Variants in SEC14L1 observed in about 807,000 individuals in gnomAD.
SEC14L1 encodes the protein SEC14-like protein 1.
SEC14L1 carries 48 observed loss-of-function variants against 85.3 expected under a neutral mutation model. The ratio of observed to expected loss-of-function variants is 0.56; its 90% confidence interval spans 0.45 to 0.72. The LOEUF is 0.72. Ranked by LOEUF, SEC14L1 falls within the 30% of genes least tolerant of loss-of-function variation. The pLI, the probability that SEC14L1 is intolerant of heterozygous loss-of-function variation, is 0.00. For synonymous variants in SEC14L1, 391 were observed against 355.5 expected, an observed-to-expected ratio of 1.10 and a Z score of -1.12; for missense variants, 682 against 921.4, an observed-to-expected ratio of 0.74 and a Z score of 3.36.
chr17:77,193,474 TA>T lies in SEC14L1; in HGVS notation c.400del (p.Ile134LeufsTer16). ...GTTTTGAACAGTCTGCAAGTTTAGA[TA>T]TTAAATCTTTCTTTGGTTTTGAAAG... ...TCFEQSASLD[I>X]KSFFGFESTV... On this transcript the variant is annotated frameshift_variant, in exon 6 of 17. Coordinates refer to ENST00000436233, the MANE Select transcript of SEC14L1 (RefSeq NM_001143998.2). LOFTEE classifies it high-confidence loss of function. The T allele has an allele frequency of 6.2e-7, 1 of 1,612,974 alleles. No homozygotes were observed. The highest frequency in any genetic ancestry group is 8.5e-7 in the Non-Finnish European group (1 of 1,179,160).
At chr17:77,124,857 A>G (rs1023989202) in intron 3 of SEC14L1, among the ~76,000 whole-genome samples, 33 of 152,152 alleles carry the variant, frequency 2.2e-4, no homozygotes, top group Non-Finnish European at 2.9e-4. Context: ...AGCAAGTGAC[A>G]CAGAAATTAA....
chr17:77,140,810 C>G (rs2143492425), upstream of SEC14L1: 1 of 150,436 alleles, frequency 6.6e-6, no homozygotes. Context: ...AGTTCGGGCC[C>G]CGGGTGTCCT....
Position 77,215,693 on chromosome 17 carries a change from G to A in SEC14L1, c.*1670G>A, listed in dbSNP as rs1282775346. ...ATCGAGCTCCTCAGTGGTACCTGAA[G>A]CCTTTGCTTCCGGAAAGCGCGGTAG... On this transcript the variant is annotated 3_prime_UTR_variant, in exon 17 of 17. Coordinates refer to ENST00000436233, the MANE Select transcript of SEC14L1 (RefSeq NM_001143998.2). 3 of 995,220 alleles carry A rather than the reference G, an allele frequency of 3.0e-6. No homozygotes were observed. Among genetic ancestry groups the A allele is most frequent in the Non-Finnish European group, 3.6e-6 (3 of 834,758 alleles). The allele number at this position is 995,220 out of a possible 1,614,324, so 61.6% of individuals were successfully genotyped here.
At chr17:77,159,019 T>C (rs1218915851) in intron 3 of SEC14L1, among the ~76,000 whole-genome samples, 1 of 151,704 alleles carries the variant, frequency 6.6e-6, no homozygotes, top group Non-Finnish European at 1.5e-5. Flanking sequence ...TTGGCCAGGC[T>C]GGTCTAGGAC....
At chr17:77,099,014 T>C (rs75621875) in intron 3 of SEC14L1, 3 of 152,172 alleles carry the variant, frequency 2.0e-5, no homozygotes, top group Non-Finnish European at 2.9e-5. Context: ...ATTTTTTTTT[T>C]CAGATCAATT....
chr17:77,214,485 G>A lies in SEC14L1; in HGVS notation c.*462G>A, dbSNP rs113733377. ...CCTCATGGCCCGCACGCCGCCTCAC[G>A]GCCCCCATGCTTCCCGCCAGTCAAG... On this transcript the variant is annotated 3_prime_UTR_variant, in exon 17 of 17. Coordinates refer to ENST00000436233, the MANE Select transcript of SEC14L1 (RefSeq NM_001143998.2). 42 of 1,001,624 alleles carry A rather than the reference G, an allele frequency of 4.2e-5. No homozygotes were observed. The African/African-American group carries it at 4.7e-4, about 11-fold the overall frequency. 62.0% of individuals were successfully genotyped at this position (1,001,624 alleles called of 1,614,324 possible). A position where few individuals can be genotyped will look rare whatever the true frequency, so the allele number is the denominator to read the frequency against.
At position 77,203,619 on chromosome 17, in the gene SEC14L1, C is replaced by T. The variant is rs1327753350; in HGVS notation, c.1059C>T (p.Gly353=). ...VLRLGQMDTK[G]LVRALGEEAL... is the part of the protein sequence containing the mutation. Reference sequence around the variant, plus strand: ...GGCTGGGGCAGATGGACACCAAAGGCTTGGTGAGAGCGCTCGGGGAGGAAG... The same window carrying T: ...GGCTGGGGCAGATGGACACCAAAGGTTTGGTGAGAGCGCTCGGGGAGGAAG... Residue 353 remains glycine (G), a synonymous_variant, in exon 10 of 17, where the codon GGC becomes GGT. Transcript: ENST00000436233. 3 of 1,613,864 alleles carry T rather than the reference C, an allele frequency of 1.9e-6. No individual in the cohort carries two copies. The highest frequency in any genetic ancestry group is 2.5e-6 in the Non-Finnish European group (3 of 1,179,970).
intron 5 of SEC14L1, among the ~76,000 whole-genome samples, chr17:77,192,475 G>T (rs1199472995): frequency 6.6e-6 from 1 of 152,148 alleles, no homozygotes; most frequent in African/African-American, 2.4e-5. Context: ...TCCTGGTTAC[G>T]CCTTTCCTGT....
At chr17:77,136,849 A>G (rs574406624), upstream of SEC14L1, among the ~76,000 whole-genome samples, 1 of 152,280 alleles carries the variant, frequency 6.6e-6, no homozygotes, top group African/African-American at 2.4e-5. Context: ...AGACTGGGTA[A>G]TTTATAAAGA....
In SEC14L1 at chr17:77,191,176, T is replaced by G; in HGVS notation, c.214-5T>G. 2.5e-6 allele frequency: 4 copies of G among 1,609,452 alleles called. No homozygotes were observed. The highest frequency in any genetic ancestry group is 3.4e-6 in the Non-Finnish European group (4 of 1,176,834). ...AACCCATTTCTCTTTCTTTTTTTTTTGAAGATTGCAGGAGTTGATTATGTT... is the reference window on the plus strand; with the variant it reads ...AACCCATTTCTCTTTCTTTTTTTTTGGAAGATTGCAGGAGTTGATTATGTT... On this transcript the variant is annotated splice_region_variant and splice_polypyrimidine_tract_variant and intron_variant, in intron 4 of 16. Transcript: ENST00000436233.
At chr17:77,105,122 G>A (rs1253848443) in intron 3 of SEC14L1, among the ~76,000 whole-genome samples, 9 of 152,066 alleles carry the variant, frequency 5.9e-5, no homozygotes, top group Non-Finnish European at 1.5e-5. Flanking sequence ...ATATGCATCC[G>A]TCTCAGTGAG....
intron 3 of SEC14L1, among the ~76,000 whole-genome samples, chr17:77,111,273 G>A (rs1013979434): frequency 5.3e-5 from 8 of 151,946 alleles, no homozygotes; most frequent in Non-Finnish European, 1.2e-4. Flanking sequence ...CGGGCTATAC[G>A]TGAATTTAAA....
chr17:77,130,932 C>G (rs935780135), intron 3 of SEC14L1, among the ~76,000 whole-genome samples: 1 of 152,116 alleles, frequency 6.6e-6, no homozygotes, highest in African/African-American at 2.4e-5. Context: ...AAGGCCTCAT[C>G]AAAAGTTCAT....
chr17:77,114,710 C>G (rs1046145773), intron 3 of SEC14L1, among the ~76,000 whole-genome samples: 1 of 151,562 alleles, frequency 6.6e-6, no homozygotes, highest in Non-Finnish European at 1.5e-5. Flanking sequence ...TGGCGCATGC[C>G]TGTAGTCCCA....
At chr17:77,167,533 T>C (rs1275803218) in intron 3 of SEC14L1, among the ~76,000 whole-genome samples, 1 of 152,200 alleles carries the variant, frequency 6.6e-6, no homozygotes, top group Non-Finnish European at 1.5e-5. Flanking sequence ...GAGTTTATTT[T>C]TTAGAGCAAT....
chr17:77,213,097 C>T lies in SEC14L1; in HGVS notation c.1864-217C>T, dbSNP rs1469477642. Reference sequence around the variant, plus strand: ...GCCACGGACATGGAGCTTGTCCCTCCGGGCTTCCCAGCACCCGGGAGTGAC... The same window carrying T: ...GCCACGGACATGGAGCTTGTCCCTCTGGGCTTCCCAGCACCCGGGAGTGAC... On this transcript the variant is annotated intron_variant, in intron 15 of 16. Coordinates refer to ENST00000436233, the MANE Select transcript of SEC14L1 (RefSeq NM_001143998.2). The surrounding 1 kb of genome is among the most constrained non-coding windows in gnomAD (Gnocchi z 7.1). Among the ~76,000 whole-genome samples, 2 of 152,222 alleles carry T rather than the reference C, an allele frequency of 1.3e-5. No homozygotes were observed. Among genetic ancestry groups the T allele is most frequent in the Non-Finnish European group, 2.9e-5 (2 of 68,022 alleles).
intron 3 of SEC14L1, among the ~76,000 whole-genome samples, chr17:77,155,426 G>A (rs1973763681): frequency 6.6e-6 from 1 of 152,186 alleles, no homozygotes; most frequent in Non-Finnish European, 1.5e-5. Flanking sequence ...GGCCCCGCAG[G>A]TACCTTACCC....
At chr17:77,196,336 G>T in intron 8 of SEC14L1, 25 bp downstream of exon 8, 1 of 1,383,960 alleles carries the variant, frequency 7.2e-7, no homozygotes, top group Non-Finnish European at 1.0e-6. Context: ...CACACCCAGT[G>T]TGCAGGGCCA....
intron 9 of SEC14L1, among the ~76,000 whole-genome samples, chr17:77,201,597 T>G (rs930114547): frequency 1.3e-5 from 2 of 152,000 alleles, no homozygotes; most frequent in African/African-American, 2.4e-5. Flanking sequence ...ACTACAGGTG[T>G]GCACCACCAC....
Sources: allele counts gnomAD v4.1 joint callset (sites outside exome capture counted in the v4.1 genomes callset), GRCh38; gene constraint gnomAD v4.1.1; non-coding constraint Gnocchi (gnomAD v3.1); transcripts MANE v1.5; gene names NCBI Gene and HGNC (gene_info 2026-07-23, HGNC 2026-07-21).